The following TIAM1 variants were observed in gnomAD, a reference collection of about 807,000 sequenced individuals.
TIAM1 encodes the protein rho guanine nucleotide exchange factor TIAM1.
In TIAM1, 65 loss-of-function variants were observed where a neutral mutation model predicts 163.5. That is an observed-to-expected ratio of 0.40 (90% CI 0.33 to 0.49). The LOEUF (loss-of-function observed/expected upper bound fraction) is 0.49, where lower values mean the gene tolerates loss of function less well. TIAM1 is among the 20% of genes least tolerant of loss of function. The pLI is 0.77. For missense variants in TIAM1, 1,789 were observed against 2,044.7 expected, an observed-to-expected ratio of 0.87 and a Z score of 2.41; for synonymous variants, 833 against 810.1, an observed-to-expected ratio of 1.03 and a Z score of -0.48.
chr21:31,329,731 T>C (rs1164330140), intron 2 of TIAM1, among the ~76,000 whole-genome samples: 2 of 152,188 alleles, frequency 1.3e-5, no homozygotes, highest in African/African-American at 4.8e-5. Context: ...GATTCTCCCC[T>C]GCTGCCCAGT....
chr21:31,449,152 A>G (rs1368866498), intron 2 of TIAM1, among the ~76,000 whole-genome samples: 1 of 151,980 alleles, frequency 6.6e-6, no homozygotes, highest in Non-Finnish European at 1.5e-5. Flanking sequence ...TTTTGTAAAG[A>G]TGGGGTTTCA....
chr21:31,304,503 T>C (rs1178324538), intron 2 of TIAM1, among the ~76,000 whole-genome samples: 2 of 152,110 alleles, frequency 1.3e-5, no homozygotes, highest in Non-Finnish European at 2.9e-5. Flanking sequence ...CCAGTTCAAT[T>C]CCACTCAGCC....
chr21:31,474,806 A>G (rs1225883498), intron 1 of TIAM1, among the ~76,000 whole-genome samples: 1 of 151,780 alleles, frequency 6.6e-6, no homozygotes, highest in African/African-American at 2.4e-5. Context: ...TTGGCCTCTC[A>G]AAGTGCTGGG....
chr21:31,402,526 T>C (rs1447558729), intron 2 of TIAM1, among the ~76,000 whole-genome samples: 1 of 152,166 alleles, frequency 6.6e-6, no homozygotes, highest in Non-Finnish European at 1.5e-5. Flanking sequence ...GTCCACGACA[T>C]TTCCCATATC....
At chr21:31,348,963 G>A (rs913211988), upstream of TIAM1, among the ~76,000 whole-genome samples, 2 of 152,078 alleles carry the variant, frequency 1.3e-5, no homozygotes, top group African/African-American at 4.8e-5. Context: ...AAAAAATACA[G>A]GGCCAGCCAA....
chr21:31,219,941 A>G (rs1417567041), intron 8 of TIAM1, among the ~76,000 whole-genome samples: 5 of 152,224 alleles, frequency 3.3e-5, no homozygotes, highest in African/African-American at 1.2e-4. Context: ...TTAAAGGTAA[A>G]CAAAGGTTGT....
chr21:31,436,390 C>A (rs984955289), intron 2 of TIAM1, among the ~76,000 whole-genome samples: 1 of 152,168 alleles, frequency 6.6e-6, no homozygotes, highest in Non-Finnish European at 1.5e-5. Flanking sequence ...GTAATCTCAG[C>A]ACTTTGGGAG....
intron 27 of TIAM1, chr21:31,124,278 G>T: frequency 2.5e-6 from 1 of 405,144 alleles, no homozygotes; most frequent in Non-Finnish European, 4.2e-6. Context: ...CCAGCCAAAA[G>T]GAGAAGGGAG....
intron 15 of TIAM1, among the ~76,000 whole-genome samples, chr21:31,167,601 T>C (rs889790697): frequency 6.6e-6 from 1 of 152,080 alleles, no homozygotes; most frequent in Non-Finnish European, 1.5e-5. Context: ...TATCCATCAA[T>C]CCCCAAGCCC....
intron 2 of TIAM1, among the ~76,000 whole-genome samples, chr21:31,331,494 A>C (rs891354793): frequency 2.0e-5 from 3 of 152,150 alleles, no homozygotes; most frequent in African/African-American, 7.2e-5. Context: ...CTTCTCAACT[A>C]TCTCTAAAAT....
chr21:31,489,042 A>T (rs1259486182), intron 1 of TIAM1, among the ~76,000 whole-genome samples: 3 of 151,450 alleles, frequency 2.0e-5, no homozygotes, highest in Non-Finnish European at 4.4e-5. Context: ...ATATTTCAAG[A>T]TTTTCGTCAG....
chr21:31,320,914 C>T (rs2075288317), intron 2 of TIAM1, among the ~76,000 whole-genome samples: 1 of 151,982 alleles, frequency 6.6e-6, no homozygotes, highest in South Asian at 2.1e-4. Flanking sequence ...ATTGCTTGAA[C>T]CTGGGAGGTG....
At chr21:31,320,890 G>T (rs1320344831) in intron 2 of TIAM1, among the ~76,000 whole-genome samples, 3 of 152,162 alleles carry the variant, frequency 2.0e-5, no homozygotes, top group Non-Finnish European at 2.9e-5. Context: ...TACTTGAGAG[G>T]CTGAGGCTGC....
chr21:31,377,033 CTTTTT>C (rs35487868), intron 2 of TIAM1, among the ~76,000 whole-genome samples: 40 of 80,954 alleles, frequency 4.9e-4, no homozygotes, highest in African/African-American at 1.7e-3. Flanking sequence ...TCATTTTTGT[CTTTTT>C]TTTTTTTTTT....
rs757234457 is a variant in TIAM1 at position 31,490,908 on chromosome 21, C to T, written c.-421-26873G>A. Among the ~76,000 whole-genome samples the T allele has an allele frequency of 6.4e-4, 98 of 152,096 alleles. 1 individual carries two copies. Among genetic ancestry groups the T allele is most frequent in the Non-Finnish European group, 1.1e-3 (78 of 68,032 alleles). On this transcript the variant is annotated intron_variant, in intron 1 of 28. Transcript: ENST00000286827. ...TTGGGAGGCCAAGGTGGGCGGATCG[C>T]GAGGTCTGGAGATCCAGACCAGCCT...
intron 20 of TIAM1, among the ~76,000 whole-genome samples, chr21:31,145,188 T>C (rs1455211715): frequency 6.6e-6 from 1 of 152,134 alleles, no homozygotes; most frequent in Non-Finnish European, 1.5e-5. Flanking sequence ...CAGGTCCCCT[T>C]TTCATTTGAG....
At chr21:31,250,492 G>A (rs969530663) in intron 5 of TIAM1, among the ~76,000 whole-genome samples, 16 of 152,206 alleles carry the variant, frequency 1.1e-4, no homozygotes, top group African/African-American at 2.4e-4. Flanking sequence ...GCACATCACC[G>A]CATAGGCATT....
chr21:31,240,274 C>T (rs557438520), intron 6 of TIAM1, among the ~76,000 whole-genome samples: 32 of 152,088 alleles, frequency 2.1e-4, no homozygotes, highest in Admixed American at 7.9e-4. Context: ...AAAAGCAACA[C>T]GAACAGTGGT....
At chr21:31,525,105 C>T (rs1014014942) in intron 1 of TIAM1, among the ~76,000 whole-genome samples, 1 of 151,928 alleles carries the variant, frequency 6.6e-6, no homozygotes, top group African/African-American at 2.4e-5. Context: ...TGAGGCTGGG[C>T]GCGGTGGCTC....
Sources: allele counts gnomAD v4.1 joint callset (sites outside exome capture counted in the v4.1 genomes callset), GRCh38; gene constraint gnomAD v4.1.1; transcripts MANE v1.5; gene names NCBI Gene and HGNC (gene_info 2026-07-23, HGNC 2026-07-21).